Variants in TNFRSF21 observed in about 807,000 individuals in gnomAD.
TNFRSF21 encodes the protein TNF receptor superfamily member 21.
A neutral mutation model predicts 45.6 loss-of-function variants in TNFRSF21; 19 were observed. The observed-to-expected ratio is 0.42, with a 90% CI of 0.29 to 0.61. TNFRSF21 has a LOEUF of 0.61. Among genes scored for constraint, TNFRSF21 ranks in the 20% least tolerant of loss-of-function variants. TNFRSF21 has a pLI of 0.23. For missense variants in TNFRSF21, 737 were observed against 851.5 expected (o/e 0.87, Z 1.67); for synonymous variants, 314 against 335.5 (o/e 0.94, Z 0.70).
At position 47,234,828 on chromosome 6, in the gene TNFRSF21, T is replaced by C. The variant is rs144939843; in HGVS notation, c.1580A>G (p.Asn527Ser). ...PLSPSPIPSP[N>S]AKLENSALLT... ...GAGAGCGGAATTCTCAAGTTTCGCG[T>C]TGGGGCTGGGGATGGGGCTCGGGCT... The change falls in exon 5 of 6, where the codon AAC becomes AGC. Residue 527 changes from asparagine (N) to serine (S), a missense_variant. Physicochemically the swap from Asn to Ser is conservative, Grantham distance 46. Transcript: ENST00000296861. 1.1e-3 allele frequency: 1,727 copies of C among 1,545,374 alleles called. 1 individual carries two copies. Among genetic ancestry groups the C allele is most frequent in the Admixed American group, 1.5e-3 (73 of 47,570 alleles).
intron 3 of TNFRSF21, among the ~76,000 whole-genome samples, chr6:47,281,668 ACC>A (rs1762569602): frequency 6.6e-6 from 1 of 152,166 alleles, no homozygotes; most frequent in African/African-American, 2.4e-5. Context: ...GGCATGAGCC[ACC>A]ACGCCTGGGC....
intron 3 of TNFRSF21, among the ~76,000 whole-genome samples, chr6:47,268,495 G>C (rs974005160): frequency 6.6e-6 from 1 of 152,148 alleles, no homozygotes; most frequent in African/African-American, 2.4e-5. Context: ...TCAAGGAAAG[G>C]AGGCATAAAG....
At chr6:47,258,965 C>A (rs1472267818) in intron 3 of TNFRSF21, among the ~76,000 whole-genome samples, 1 of 152,216 alleles carries the variant, frequency 6.6e-6, no homozygotes, top group Non-Finnish European at 1.5e-5. Flanking sequence ...AAAAAGTAGG[C>A]TGGATATGGC....
intron 4 of TNFRSF21, 89 bp from the exon 5 acceptor site, chr6:47,234,987 A>G (rs1262547336): frequency 1.3e-6 from 1 of 747,816 alleles, no homozygotes; most frequent in Admixed American, 4.1e-5. Flanking sequence ...TTTTTGTTCC[A>G]TTTAACATTT....
At chr6:47,236,775 C>T (rs1582312314) in intron 4 of TNFRSF21, among the ~76,000 whole-genome samples, 2 of 152,316 alleles carry the variant, frequency 1.3e-5, no homozygotes, top group South Asian at 4.1e-4. Context: ...CACGCCAACA[C>T]ACTTTTTTAA....
Position 47,309,700 on chromosome 6 carries a change from C to T in TNFRSF21, c.-189G>A, listed in dbSNP as rs1047000828. ...CAAGGGAGGCTCTAGGGGCGCTCAG[C>T]ACCTGCCCAGCGGCGCGGCCGCCCA... On this transcript the variant is annotated 5_prime_UTR_variant, in exon 1 of 6. Transcript: ENST00000296861. 4.9e-6 allele frequency: 4 copies of T among 811,066 alleles called. No homozygotes were observed. In the South Asian group the frequency reaches 1.7e-4, roughly 34 times the overall value. The allele number at this position is 811,066 out of a possible 1,614,324, so 50.2% of individuals were successfully genotyped here. A position where few individuals can be genotyped will look rare whatever the true frequency, so the allele number is the denominator to read the frequency against.
chr6:47,284,862 A>G (rs1329591120), intron 2 of TNFRSF21, among the ~76,000 whole-genome samples: 1 of 152,258 alleles, frequency 6.6e-6, no homozygotes, highest in African/African-American at 2.4e-5. Flanking sequence ...AAAACTGAGA[A>G]TATGACTAAG....
chr6:47,306,786 AAAG>A (rs1762946562), intron 1 of TNFRSF21, among the ~76,000 whole-genome samples: 1 of 152,342 alleles, frequency 6.6e-6, no homozygotes. Context: ...GAGATATTTG[AAAG>A]AAGAGCATTA....
chr6:47,271,777 A>T (rs1479360819), intron 3 of TNFRSF21, among the ~76,000 whole-genome samples: 1 of 152,124 alleles, frequency 6.6e-6, no homozygotes, highest in Non-Finnish European at 1.5e-5. Flanking sequence ...CCCATCTCAC[A>T]CGCACACACA....
rs944477431 is a variant in TNFRSF21 at position 47,240,736 on chromosome 6, G to A, written c.1510-5838C>T. 5.3e-5 allele frequency among the ~76,000 whole-genome samples: 8 copies of A among 152,136 alleles called. No individual in the cohort carries two copies. The South Asian group carries it at 6.2e-4, about 12-fold the overall frequency. On this transcript the variant is annotated intron_variant, in intron 4 of 5. Coordinates refer to ENST00000296861, the MANE Select transcript of TNFRSF21 (RefSeq NM_014452.5). ...ATCTGCAAGTACCTGGGACTCAATG[G>A]CAGACTTACACTCCAGCTGGATGAC...
At position 47,232,573 on chromosome 6, in the gene TNFRSF21, A is replaced by G; in HGVS notation, c.*192T>C. The G allele has an allele frequency of 3.9e-6, 2 of 514,670 alleles. No homozygotes were observed. The highest frequency in any genetic ancestry group is 6.6e-6 in the Non-Finnish European group (2 of 302,868). The allele number at this position is 514,670 out of a possible 1,614,324, so 31.9% of individuals were successfully genotyped here. On this transcript the variant is annotated 3_prime_UTR_variant, in exon 6 of 6. Transcript: ENST00000296861. ...CCCAGAAGAGTTATTTAAAAAAAAAAGAGAGAGAGAGAAGGAGAAAGAACT... is the reference window on the plus strand; with the variant it reads ...CCCAGAAGAGTTATTTAAAAAAAAAGGAGAGAGAGAGAAGGAGAAAGAACT...
chr6:47,309,004 G>A (rs1231909755), intron 1 of TNFRSF21, among the ~76,000 whole-genome samples: 1 of 152,138 alleles, frequency 6.6e-6, no homozygotes, highest in Non-Finnish European at 1.5e-5. Flanking sequence ...GGCCGGCCGT[G>A]GGAGCCCCAC....
At chr6:47,235,405 C>A (rs6910022) in intron 4 of TNFRSF21, among the ~76,000 whole-genome samples, 20,251 of 151,972 alleles carry the variant, frequency 0.13, 1,427 homozygotes, top group South Asian at 0.21. Context: ...TAAAAAGAAG[C>A]GATGAGGACA....
intron 1 of TNFRSF21, among the ~76,000 whole-genome samples, chr6:47,295,003 G>A (rs1762774384): frequency 1.3e-5 from 2 of 152,150 alleles, no homozygotes; most frequent in African/African-American, 4.8e-5. Context: ...GGATAAATGT[G>A]GCAAATATCC....
chr6:47,263,872 C>A (rs974361885), intron 3 of TNFRSF21, among the ~76,000 whole-genome samples: 1 of 152,160 alleles, frequency 6.6e-6, no homozygotes, highest in Non-Finnish European at 1.5e-5. Flanking sequence ...AATTGTGTGT[C>A]AGATTTGGTG....
rs1325828876 is a variant in TNFRSF21, at chr6:47,267,167, C to T, written c.1244-13646G>A. ...AGGCTGGAGTGCAGTGGTGAGATCT[C>T]GGCTCACTGTAACCTCTGCCTCCCA... On this transcript the variant is annotated intron_variant, in intron 3 of 5. Coordinates refer to ENST00000296861, the MANE Select transcript of TNFRSF21 (RefSeq NM_014452.5). Among the ~76,000 whole-genome samples, 6 of 150,206 alleles carry T rather than the reference C, an allele frequency of 4.0e-5. No individual in the cohort carries two copies. The South Asian group carries it at 8.5e-4, about 21-fold the overall frequency.
chr6:47,298,637 C>T (rs533791473), intron 1 of TNFRSF21, among the ~76,000 whole-genome samples: 3 of 152,218 alleles, frequency 2.0e-5, no homozygotes, highest in Admixed American at 1.3e-4. Context: ...ACAAATAAAG[C>T]TTTATTGGAA....
chr6:47,270,561 T>G (rs976121223), intron 3 of TNFRSF21, among the ~76,000 whole-genome samples: 2 of 151,902 alleles, frequency 1.3e-5, no homozygotes, highest in Admixed American at 6.6e-5. Flanking sequence ...TGGGGAGAAA[T>G]CAGAGCAGAA....
chr6:47,264,455 C>T lies in TNFRSF21; in HGVS notation c.1244-10934G>A, dbSNP rs146515186. Among the ~76,000 whole-genome samples the T allele has an allele frequency of 8.6e-3, 1,289 of 150,524 alleles. 20 individuals are homozygous for T. Among genetic ancestry groups the T allele is most frequent in the African/African-American group, 0.03 (1,210 of 40,672 alleles). On this transcript the variant is annotated intron_variant, in intron 3 of 5. Coordinates refer to ENST00000296861, the MANE Select transcript of TNFRSF21 (RefSeq NM_014452.5). The stretch of plus-strand genomic sequence containing the variant: ...GCTTGAACCTGGGAGGCAGAGGTTG[C>T]AGTGAGCTGAGATCGCGCCACTGCA...
Sources: gnomAD v4.1 joint callset for allele counts (sites outside exome capture counted in the v4.1 genomes callset) on GRCh38, gnomAD v4.1.1 for gene constraint, MANE v1.5 for transcripts, NCBI Gene and HGNC (gene_info 2026-07-23, HGNC 2026-07-21) for gene names.